Variants in FGF13 observed in about 807,000 individuals in gnomAD.
FGF13 encodes the protein fibroblast growth factor 13.
FGF13 carries 2 observed loss-of-function variants against 19.5 expected under a neutral mutation model. The ratio of observed to expected loss-of-function variants is 0.10; its 90% CI spans 0.04 to 0.32. FGF13 has a LOEUF of 0.32. Among genes scored for constraint, FGF13 ranks in the 10% least tolerant of loss-of-function variants. The pLI is 1.00. For missense variants in FGF13, 113 were observed against 192.7 expected (o/e 0.59, Z 2.45); for synonymous variants, 72 against 76.9 (o/e 0.94, Z 0.33).
At position 138,840,049 on chromosome X, in the gene FGF13, A is replaced by G. The variant is rs772251188; in HGVS notation, c.217+17463T>C. On this transcript the variant is annotated intron_variant, in intron 3 of 6. Coordinates refer to the FGF13 transcript ENST00000436198. ...CTATGGTGTTGCTGCTCTTAATCCAATGTCAGATGCTGGGGACAAGGGTAA... is the reference window on the plus strand; with the variant it reads ...CTATGGTGTTGCTGCTCTTAATCCAGTGTCAGATGCTGGGGACAAGGGTAA... Among the ~76,000 whole-genome samples the G allele has an allele frequency of 6.3e-5, 7 of 111,848 alleles. No individual in the cohort carries two copies. In the East Asian group the frequency reaches 2.0e-3, roughly 32 times the overall value.
At chrX:138,932,157 TA>T (rs2124260324) in intron 1 of FGF13, among the ~76,000 whole-genome samples, 1 of 111,913 alleles carries the variant, frequency 8.9e-6, no homozygotes, top group African/African-American at 3.2e-5. Flanking sequence ...GCAACGTCCT[TA>T]AAAGCTTAAA....
chrX:138,901,594 C>T (rs2091531797), intron 1 of FGF13, among the ~76,000 whole-genome samples: 1 of 111,604 alleles, frequency 9.0e-6, no homozygotes, highest in Non-Finnish European at 1.9e-5. Flanking sequence ...AAAGTGTTTC[C>T]TTTCTCTCTT....
At position 138,747,061 on chromosome X, in the gene FGF13, C is replaced by A. The variant is rs548760481; in HGVS notation, c.218-38133G>T. 1.8e-4 allele frequency among the ~76,000 whole-genome samples: 20 copies of A among 111,733 alleles called. 1 individual carries two copies. The South Asian group carries it at 7.6e-3, about 42-fold the overall frequency. On this transcript the variant is annotated intron_variant, in intron 3 of 6. Coordinates refer to the FGF13 transcript ENST00000436198. ...AACCAGGTTCTGACACTCCCAAGGG[C>A]CTGATCTGTGTGCCCACCAATTCTC...
intron 3 of FGF13, among the ~76,000 whole-genome samples, chrX:138,664,558 T>TGAGA (rs3831715): frequency 3.5e-4 from 37 of 104,355 alleles, no homozygotes; most frequent in South Asian, 8.5e-4. Flanking sequence ...TTTGCATGTG[T>TGAGA]GAGAGAGAGA....
At chrX:139,013,532 A>ATATATAT in intron 1 of FGF13, among the ~76,000 whole-genome samples, 1 of 84,518 alleles carries the variant, frequency 1.2e-5, no homozygotes, top group South Asian at 6.4e-4. Context: ...TATATATATA[A>ATATATAT]AATGAAATAC....
At chrX:138,651,182 CA>C (rs1014425148) in intron 3 of FGF13, among the ~76,000 whole-genome samples, 3 of 111,459 alleles carry the variant, frequency 2.7e-5, no homozygotes, top group Non-Finnish European at 5.7e-5. Flanking sequence ...ACTTAGTTGC[CA>C]GGGACTTCAC....
At chrX:138,876,692 G>A (rs2091391142) in intron 1 of FGF13, among the ~76,000 whole-genome samples, 1 of 112,084 alleles carries the variant, frequency 8.9e-6, no homozygotes, top group Non-Finnish European at 1.9e-5. Context: ...GAGATACTGA[G>A]CTACCTATGC....
intron 3 of FGF13, among the ~76,000 whole-genome samples, chrX:138,834,735 T>C (rs2091099536): frequency 9.0e-6 from 1 of 111,211 alleles, no homozygotes; most frequent in Non-Finnish European, 1.9e-5. Flanking sequence ...TCTAGTTCTT[T>C]TAGTTGTGAT....
chrX:138,845,855 T>C (rs1340370569), intron 3 of FGF13, among the ~76,000 whole-genome samples: 2 of 111,601 alleles, frequency 1.8e-5, no homozygotes, highest in Non-Finnish European at 3.8e-5. Context: ...AGAGGGGAAA[T>C]GGCTGAAGAA....
At chrX:138,937,274 C>T (rs995462530) in intron 1 of FGF13, among the ~76,000 whole-genome samples, 12 of 111,070 alleles carry the variant, frequency 1.1e-4, no homozygotes, top group African/African-American at 2.6e-4. Flanking sequence ...TATCATGGGG[C>T]GAGATGGCAA....
At chrX:139,081,519 C>T (rs1445789715) in intron 1 of FGF13, among the ~76,000 whole-genome samples, 2 of 111,950 alleles carry the variant, frequency 1.8e-5, no homozygotes, top group Non-Finnish European at 3.8e-5. Context: ...CCATCCCAGT[C>T]TTTCCCTTGT....
intron 1 of FGF13, among the ~76,000 whole-genome samples, chrX:138,976,158 G>A (rs1356969175): frequency 9.0e-6 from 1 of 111,622 alleles, no homozygotes; most frequent in Non-Finnish European, 1.9e-5. Context: ...CGGAAACAAG[G>A]CTCACATTCC....
chrX:139,011,361 C>CAAAAAAA (rs3047329), intron 1 of FGF13, among the ~76,000 whole-genome samples: 2 of 82,947 alleles, frequency 2.4e-5, no homozygotes, highest in African/African-American at 9.0e-5. Context: ...AACAAACAAA[C>CAAAAAAA]AAAAAAAAAA....
chrX:139,173,099 G>A (rs993066543), intron 1 of FGF13, among the ~76,000 whole-genome samples: 3 of 111,849 alleles, frequency 2.7e-5, no homozygotes, highest in Non-Finnish European at 5.6e-5. Flanking sequence ...AAGTGCCAAC[G>A]AATACCAGTG....
At chrX:139,083,394 G>A (rs1055683142) in intron 1 of FGF13, among the ~76,000 whole-genome samples, 2 of 111,930 alleles carry the variant, frequency 1.8e-5, no homozygotes, top group African/African-American at 6.5e-5. Context: ...AAAGAGTGCC[G>A]ATGAGTGAGG....
At chrX:138,787,263 C>T (rs186514282) in intron 3 of FGF13, among the ~76,000 whole-genome samples, 208 of 112,585 alleles carry the variant, frequency 1.8e-3, no homozygotes, top group African/African-American at 6.4e-3. Context: ...GCTTTGGCAG[C>T]CCAGATTTTG....
chrX:139,043,751 T>C (rs1294043728), intron 1 of FGF13, among the ~76,000 whole-genome samples: 1 of 112,117 alleles, frequency 8.9e-6, no homozygotes, highest in East Asian at 2.8e-4. Flanking sequence ...AAACAAAATG[T>C]GGTATATGCA....
chrX:138,768,029 G>A (rs184851354), intron 3 of FGF13, among the ~76,000 whole-genome samples: 97 of 111,856 alleles, frequency 8.7e-4, no homozygotes, highest in African/African-American at 2.9e-3. Flanking sequence ...AGAGAGCCCC[G>A]AAGGGACTGC....
chrX:139,135,577 T>C (rs938176427), intron 1 of FGF13, among the ~76,000 whole-genome samples: 1 of 111,972 alleles, frequency 8.9e-6, no homozygotes, highest in Non-Finnish European at 1.9e-5. Context: ...TTGGTATCAA[T>C]GATCAGTGCT....
Sources: allele counts gnomAD v4.1 joint callset (sites outside exome capture counted in the v4.1 genomes callset), GRCh38; gene constraint gnomAD v4.1.1; transcripts MANE v1.5; gene names NCBI Gene and HGNC (gene_info 2026-07-23, HGNC 2026-07-21).